The following NRP2 variants were observed in gnomAD, a reference collection of about 807,000 sequenced individuals.
NRP2 encodes the protein neuropilin-2.
A neutral mutation model predicts 110.4 loss-of-function variants in NRP2; 52 were observed. That is an observed-to-expected ratio of 0.47 (90% CI 0.38 to 0.59). The LOEUF (loss-of-function observed/expected upper bound fraction) is 0.59, where lower values mean the gene tolerates loss of function less well. NRP2 is among the 20% of genes least tolerant of loss of function. NRP2 has a pLI of 0.00. For missense variants in NRP2, 1,049 were observed against 1,203.0 expected, an observed-to-expected ratio of 0.87 and a Z score of 1.89; for synonymous variants, 508 against 468.9, an observed-to-expected ratio of 1.08 and a Z score of -1.08.
chr2:205,762,134 C>T (rs184643561), intron 12 of NRP2: 71 of 152,348 alleles, frequency 4.7e-4, no homozygotes, highest in African/African-American at 1.7e-3. Context: ...TTGCAGAGGT[C>T]ACACCTTGTA....
At chr2:205,716,448 G>A in intron 3 of NRP2, 74 bp downstream of exon 3, 1 of 1,473,094 alleles carries the variant, frequency 6.8e-7, no homozygotes, top group East Asian at 2.3e-5. Flanking sequence ...CCAGTGGGCT[G>A]AGGCACTGGG....
chr2:205,794,784 C>T lies in NRP2; in HGVS notation c.2507C>T (p.Ser836Phe), dbSNP rs2058336939. The change falls in exon 17 of 17, where the codon TCT (serine) becomes TTT (phenylalanine). Residue 836 changes from serine (S) to phenylalanine (F), a missense_variant. Transcript: ENST00000357785. ...DEYEVDWSNS[S>F]SATSGSGAPS... ...TACGAGGTGGACTGGAGCAATTCTTCTTCTGCAACCTCAGGGTCTGGCGCC... is the reference window on the plus strand; with the variant it reads ...TACGAGGTGGACTGGAGCAATTCTTTTTCTGCAACCTCAGGGTCTGGCGCC... 6.2e-7 allele frequency: 1 copy of T among 1,614,246 alleles called. No homozygotes were observed. The highest frequency in any genetic ancestry group is 8.5e-7 in the Non-Finnish European group (1 of 1,180,044).
At chr2:205,696,087 A>G (rs376721737) in intron 1 of NRP2, among the ~76,000 whole-genome samples, 1 of 152,210 alleles carries the variant, frequency 6.6e-6, no homozygotes, top group East Asian at 1.9e-4. Context: ...AATACGGCAC[A>G]GTTTGAGCTC....
At chr2:205,691,003 G>A (rs1334893141) in intron 1 of NRP2, among the ~76,000 whole-genome samples, 1 of 152,012 alleles carries the variant, frequency 6.6e-6, no homozygotes, top group Admixed American at 6.6e-5. Context: ...CAGTAGCTGT[G>A]GCCGCAGAAT....
In NRP2 at chr2:205,728,169, T is replaced by C. The variant is rs2057166062; in HGVS notation, c.1146+123T>C. ...TGTGTAGTCAGGCTCAGATAATTGA[T>C]GGAGGCAAGGGTCGTGCTGGCCTTG... On this transcript the variant is annotated intron_variant, in intron 7 of 16. Transcript: ENST00000357785. 3.4e-6 allele frequency: 4 copies of C among 1,167,702 alleles called. No individual in the cohort carries two copies. The South Asian group carries it at 5.0e-5, about 15-fold the overall frequency. The allele number at this position is 1,167,702 out of a possible 1,614,324, so 72.3% of individuals were successfully genotyped here.
In NRP2 at chr2:205,789,173, T is replaced by C. The variant is rs969576402; in HGVS notation, c.2426-3062T>C. Among the ~76,000 whole-genome samples, 10 of 152,296 alleles carry C rather than the reference T, an allele frequency of 6.6e-5. No homozygotes were observed. In the South Asian group the frequency reaches 2.1e-3, roughly 32 times the overall value. ...GAAGGGGGCAGTAGGGATATGGTGGTAGTTACAGTGTCCCAGCCACACCCA... is the reference window on the plus strand; with the variant it reads ...GAAGGGGGCAGTAGGGATATGGTGGCAGTTACAGTGTCCCAGCCACACCCA... On this transcript the variant is annotated intron_variant, in intron 15 of 16. Transcript: ENST00000357785.
chr2:205,765,079 C>A (rs1332884044), intron 13 of NRP2, among the ~76,000 whole-genome samples: 1 of 152,162 alleles, frequency 6.6e-6, no homozygotes, highest in African/African-American at 2.4e-5. Context: ...CTACTTGTGT[C>A]TTCTGAGTTT....
intron 12 of NRP2, among the ~76,000 whole-genome samples, chr2:205,758,893 G>A (rs2057776747): frequency 6.6e-6 from 1 of 152,144 alleles, no homozygotes; most frequent in Non-Finnish European, 1.5e-5. Context: ...TTTACCTCAA[G>A]GTTCAAGTAA....
intron 2 of NRP2, among the ~76,000 whole-genome samples, chr2:205,699,997 A>G (rs1338705536): frequency 7.3e-6 from 1 of 137,296 alleles, no homozygotes; most frequent in Non-Finnish European, 1.5e-5. Flanking sequence ...TCTCTCATTA[A>G]TTTTTGTATT....
chr2:205,713,367 C>G (rs561529004), intron 2 of NRP2, among the ~76,000 whole-genome samples: 7 of 152,164 alleles, frequency 4.6e-5, no homozygotes, highest in African/African-American at 1.7e-4. Flanking sequence ...GATGTCCCGA[C>G]CTACTGTGTC....
At position 205,706,814 on chromosome 2, in the gene NRP2, T is replaced by G. The variant is rs142745184; in HGVS notation, c.251+9093T>G. Among the ~76,000 whole-genome samples, 515 of 152,262 alleles carry G rather than the reference T, an allele frequency of 3.4e-3. 1 individual carries two copies. Among genetic ancestry groups the G allele is most frequent in the African/African-American group, 0.012 (499 of 41,548 alleles). ...GCTGTACTCTTCACTGCCTGGGCCT[T>G]TATACACACGTGGCTCTTGAAGCTC... On this transcript the variant is annotated intron_variant, in intron 2 of 16. Transcript: ENST00000357785.
intron 15 of NRP2, among the ~76,000 whole-genome samples, chr2:205,791,180 C>G (rs866773531): frequency 6.6e-6 from 1 of 152,086 alleles, no homozygotes; most frequent in African/African-American, 2.4e-5. Flanking sequence ...CTTTTTCTCC[C>G]TCTTGTCTGA....
intron 2 of NRP2, among the ~76,000 whole-genome samples, chr2:205,705,503 C>G (rs1454168739): frequency 6.6e-6 from 1 of 152,198 alleles, no homozygotes; most frequent in Non-Finnish European, 1.5e-5. Flanking sequence ...TGTAGCCAAG[C>G]ATCTTGGCAG....
chr2:205,789,197 C>T (rs2058270427), intron 15 of NRP2, among the ~76,000 whole-genome samples: 1 of 152,144 alleles, frequency 6.6e-6, no homozygotes, highest in African/African-American at 2.4e-5. Flanking sequence ...CAGCCACACC[C>T]AAAGAACTTG....
intron 15 of NRP2, chr2:205,777,638 A>G (rs1016881829): frequency 1.3e-5 from 2 of 152,224 alleles, no homozygotes; most frequent in Non-Finnish European, 2.9e-5. Flanking sequence ...GAAGGTTAAA[A>G]AACATATACT....
At chr2:205,776,667 T>G in intron 15 of NRP2, 1 of 1,552,262 alleles carries the variant, frequency 6.4e-7, no homozygotes. Context: ...CTGAGCACTC[T>G]TATCAATCCC....
Position 205,715,580 on chromosome 2 carries a change from G to T in NRP2, c.252-613G>T, listed in dbSNP as rs550738607. On this transcript the variant is annotated intron_variant, in intron 2 of 16. Transcript: ENST00000357785. ...CTTAGGGAGGCGGTGGCCCACGGGT[G>T]GGGAGTCTTTGTCACTAACAATTAA... Among the ~76,000 whole-genome samples, 14 of 152,290 alleles carry T rather than the reference G, an allele frequency of 9.2e-5. 1 individual carries two copies. The highest frequency in any genetic ancestry group is 3.1e-4 in the African/African-American group (13 of 41,556).
chr2:205,745,927 C>A, intron 10 of NRP2, 37 bp downstream of exon 10: 2 of 1,612,600 alleles, frequency 1.2e-6, no homozygotes, highest in Non-Finnish European at 1.7e-6. Context: ...ATCTCACCCA[C>A]ATGGTCCTCT....
rs1449416016 is a variant in NRP2 at position 205,797,053 on chromosome 2, A to T, written c.*1995A>T. Reference sequence around the variant, plus strand: ...ATGTGTGTGTGTCTTTGCTGCTTTGAGTTCTCTGTATCTACTGTGTATGTG... The same window carrying T: ...ATGTGTGTGTGTCTTTGCTGCTTTGTGTTCTCTGTATCTACTGTGTATGTG... On this transcript the variant is annotated 3_prime_UTR_variant, in exon 17 of 17. Transcript: ENST00000357785. The T allele has an allele frequency of 2.6e-5, 4 of 152,576 alleles. No homozygotes were observed. Among genetic ancestry groups the T allele is most frequent in the Non-Finnish European group, 5.9e-5 (4 of 68,030 alleles). The allele number at this position is 152,576 out of a possible 1,614,324, so 9.5% of individuals were successfully genotyped here. A position where few individuals can be genotyped will look rare whatever the true frequency, so the allele number is the denominator to read the frequency against.
Sources: gnomAD v4.1 joint callset for allele counts (sites outside exome capture counted in the v4.1 genomes callset) on GRCh38, gnomAD v4.1.1 for gene constraint, MANE v1.5 for transcripts, NCBI Gene and HGNC (gene_info 2026-07-23, HGNC 2026-07-21) for gene names.